AZIN1: variants seen among roughly 807,000 people sequenced by gnomAD.
AZIN1 encodes ornithine decarboxylase antizyme inhibitor.
AZIN1 carries 12 observed loss-of-function variants against 47.4 expected under a neutral mutation model. That is an observed-to-expected ratio of 0.25 (90% CI 0.16 to 0.41). AZIN1 has a LOEUF of 0.41. AZIN1 is among the 10% of genes least tolerant of loss of function. AZIN1 has a pLI of 1.00. For missense variants in AZIN1, 410 were observed against 532.4 expected, an observed-to-expected ratio of 0.77 and a Z score of 2.26; for synonymous variants, 155 against 176.3, an observed-to-expected ratio of 0.88 and a Z score of 0.96.
At chr8:102,849,039 T>G (rs1229259885) in intron 2 of AZIN1, among the ~76,000 whole-genome samples, 1 of 152,114 alleles carries the variant, frequency 6.6e-6, no homozygotes, top group East Asian at 1.9e-4. Flanking sequence ...CTGGGCACAG[T>G]GTAATCCCAG....
intron 3 of AZIN1, among the ~76,000 whole-genome samples, chr8:102,841,342 G>A (rs751699356): frequency 6.6e-6 from 1 of 152,182 alleles, no homozygotes; most frequent in Admixed American, 6.5e-5. Context: ...AAAAGAATGG[G>A]GTTGAGGAGT....
At chr8:102,830,010 C>T in intron 9 of AZIN1, 74 bp from the exon 10 acceptor site, 4 of 992,436 alleles carry the variant, frequency 4.0e-6, no homozygotes, top group Non-Finnish European at 6.2e-6. Flanking sequence ...ATGTAATTTT[C>T]ACATTTCTCA....
chr8:102,848,386 A>G (rs911374164), intron 2 of AZIN1, among the ~76,000 whole-genome samples: 1 of 150,898 alleles, frequency 6.6e-6, no homozygotes, highest in African/African-American at 2.4e-5. Context: ...AAACATCTGC[A>G]GCAACAAGTT....
chr8:102,851,476 C>T (rs372535516), intron 2 of AZIN1, among the ~76,000 whole-genome samples: 6 of 152,054 alleles, frequency 3.9e-5, no homozygotes, highest in Non-Finnish European at 5.9e-5. Flanking sequence ...GGGAGGCTGA[C>T]GCAGGTGGAT....
In AZIN1 at chr8:102,826,933, TATA is replaced by T. The variant is rs1416276155; in HGVS notation, c.*1631_*1633del. ...GCAATGGATTGGGGCCCTATATATATATATTTTTAATAGAACCCATGAGATTTA... is the reference window on the plus strand; with the variant it reads ...GCAATGGATTGGGGCCCTATATATATTTTTTAATAGAACCCATGAGATTTA... On this transcript the variant is annotated 3_prime_UTR_variant, in exon 12 of 12. Transcript: ENST00000337198. 2 of 152,552 alleles carry T rather than the reference TATA, an allele frequency of 1.3e-5. No individual in the cohort carries two copies. The highest frequency in any genetic ancestry group is 6.5e-5 in the Admixed American group (1 of 15,272). 9.4% of individuals were successfully genotyped at this position (152,552 alleles called of 1,614,324 possible). A position where few individuals can be genotyped will look rare whatever the true frequency, so the allele number is the denominator to read the frequency against.
intron 1 of AZIN1, among the ~76,000 whole-genome samples, chr8:102,863,218 G>A (rs970087401): frequency 2.0e-5 from 3 of 152,150 alleles, no homozygotes; most frequent in African/African-American, 7.2e-5. Context: ...GGGGGACCGC[G>A]CTCCCCGCGC....
At chr8:102,860,867 T>A (rs927707223) in intron 1 of AZIN1, among the ~76,000 whole-genome samples, 7 of 152,128 alleles carry the variant, frequency 4.6e-5, no homozygotes, top group Non-Finnish European at 8.8e-5. Context: ...ACCCCAAGTT[T>A]AGGGGAGGGG....
In AZIN1 at chr8:102,858,167, A is replaced by G. The variant is rs777341258; in HGVS notation, c.-233-17T>C. ...AAGTTCGCCCTAAAAGAAGGAAATAAAAGTAGCAGAAGATAGTCCTATGTT... is the reference window on the plus strand; with the variant it reads ...AAGTTCGCCCTAAAAGAAGGAAATAGAAGTAGCAGAAGATAGTCCTATGTT... On this transcript the variant is annotated splice_polypyrimidine_tract_variant and intron_variant, in intron 1 of 11. Transcript: ENST00000337198. The G allele has an allele frequency of 5.0e-6, 2 of 398,848 alleles. No homozygotes were observed. Among genetic ancestry groups the G allele is most frequent in the Non-Finnish European group, 8.9e-6 (2 of 225,944 alleles). The allele number at this position is 398,848 out of a possible 1,614,324, so 24.7% of individuals were successfully genotyped here. A position where few individuals can be genotyped will look rare whatever the true frequency, so the allele number is the denominator to read the frequency against.
At position 102,834,189 on chromosome 8, in the gene AZIN1, C is replaced by T; in HGVS notation, c.741G>A (p.Glu247=). 1 of 1,611,516 alleles carries T rather than the reference C, an allele frequency of 6.2e-7. No homozygotes were observed. Among genetic ancestry groups the T allele is most frequent in the Non-Finnish European group, 8.5e-7 (1 of 1,178,578 alleles). The change falls in exon 8 of 12, where the codon GAG becomes GAA. Residue 247 remains glutamate (E), a splice_region_variant and synonymous_variant. Coordinates refer to ENST00000337198, the MANE Select transcript of AZIN1 (RefSeq NM_148174.4). ...GFTGTEFQLE[E]VNHVISPLLD... is the part of the protein sequence containing the mutation. ...TAATGTCATCTACTGAGAAGTTTACCTCTTCCAATTGAAATTCAGTTCCCG... is the reference window on the plus strand; with the variant it reads ...TAATGTCATCTACTGAGAAGTTTACTTCTTCCAATTGAAATTCAGTTCCCG...
intron 9 of AZIN1, among the ~76,000 whole-genome samples, chr8:102,832,779 T>C (rs186042519): frequency 2.5e-4 from 38 of 152,244 alleles, no homozygotes; most frequent in African/African-American, 8.9e-4. Context: ...TAGCCGGGAT[T>C]ACAGGTGTGC....
In AZIN1 at chr8:102,829,331, T is replaced by C. The variant is rs761183754; in HGVS notation, c.1176A>G (p.Pro392=). The change falls in exon 11 of 12, where the codon CCA becomes CCG. Residue 392 remains proline (P), a synonymous_variant. Transcript: ENST00000337198. ...DNMGADSFHE[P]SAFNDFQRPA... ...GCCTCTGAAAATCATTAAAAGCAGA[T>C]GGTTCATGGAAAGAATCTGCTCCCA... The C allele has an allele frequency of 2.5e-6, 4 of 1,613,814 alleles. No homozygotes were observed. The African/African-American group carries it at 5.3e-5, about 22-fold the overall frequency.
At chr8:102,841,461 T>TA (rs1193929919) in intron 3 of AZIN1, among the ~76,000 whole-genome samples, 1 of 152,116 alleles carries the variant, frequency 6.6e-6, no homozygotes, top group Non-Finnish European at 1.5e-5. Context: ...GTCAGAAGAA[T>TA]AAAGTTAAGT....
chr8:102,856,490 C>T (rs1156984322), intron 2 of AZIN1, among the ~76,000 whole-genome samples: 1 of 152,186 alleles, frequency 6.6e-6, no homozygotes, highest in Non-Finnish European at 1.5e-5. Context: ...TCATTCAGCT[C>T]ACTGACAATA....
chr8:102,833,274 T>C, intron 8 of AZIN1, 56 bp from the exon 9 acceptor site: 3 of 1,506,298 alleles, frequency 2.0e-6, no homozygotes, highest in Non-Finnish European at 2.7e-6. Flanking sequence ...TAATTCGCAA[T>C]ATTCAGAGAT....
intron 8 of AZIN1, 88 bp from the exon 9 acceptor site, chr8:102,833,306 G>A: frequency 7.9e-7 from 1 of 1,268,910 alleles, no homozygotes; most frequent in Non-Finnish European, 1.1e-6. Flanking sequence ...AAATTTTCTA[G>A]GAAAATGAAG....
chr8:102,863,415 T>C (rs1429308010), intron 1 of AZIN1, among the ~76,000 whole-genome samples: 1 of 151,450 alleles, frequency 6.6e-6, no homozygotes, highest in Non-Finnish European at 1.5e-5. Flanking sequence ...CCCTCAGGGC[T>C]GCGGCCGGGC....
intron 2 of AZIN1, among the ~76,000 whole-genome samples, chr8:102,857,014 G>A (rs1358668460): frequency 6.6e-6 from 1 of 152,200 alleles, no homozygotes; most frequent in Non-Finnish European, 1.5e-5. Flanking sequence ...AACTGTTCCA[G>A]TCCAACATTA....
At chr8:102,860,895 C>G (rs1813605108) in intron 1 of AZIN1, among the ~76,000 whole-genome samples, 1 of 152,172 alleles carries the variant, frequency 6.6e-6, no homozygotes, top group Non-Finnish European at 1.5e-5. Context: ...TACCAGATAT[C>G]TGGCAGCACT....
Position 102,826,556 on chromosome 8 carries a change from A to G in AZIN1, c.*2011T>C, listed in dbSNP as rs914766869. 3.3e-5 allele frequency: 5 copies of G among 152,660 alleles called. No individual in the cohort carries two copies. The highest frequency in any genetic ancestry group is 2.0e-4 in the Admixed American group (3 of 15,280). The allele number at this position is 152,660 out of a possible 1,614,324, so 9.5% of individuals were successfully genotyped here. A position where few individuals can be genotyped will look rare whatever the true frequency, so the allele number is the denominator to read the frequency against. ...TGAAATACATAGGTTCAAATTTCAGATTTATGGCAAACAGTCTTCAAATAC... is the reference window on the plus strand; with the variant it reads ...TGAAATACATAGGTTCAAATTTCAGGTTTATGGCAAACAGTCTTCAAATAC... On this transcript the variant is annotated 3_prime_UTR_variant, in exon 12 of 12. Coordinates refer to ENST00000337198, the MANE Select transcript of AZIN1 (RefSeq NM_148174.4).
Sources: gnomAD v4.1 joint callset for allele counts (sites outside exome capture counted in the v4.1 genomes callset) on GRCh38, gnomAD v4.1.1 for gene constraint, MANE v1.5 for transcripts, NCBI Gene and HGNC (gene_info 2026-07-23, HGNC 2026-07-21) for gene names.